Variants in CNTN5 observed in about 807,000 individuals in gnomAD.
CNTN5 encodes contactin 5.
Under a neutral mutation model 129.1 loss-of-function variants are expected in CNTN5, and 77 were observed. The ratio of observed to expected loss-of-function variants is 0.60; its 90% CI spans 0.50 to 0.72. The LOEUF (loss-of-function observed/expected upper bound fraction) is 0.72. Among genes scored for constraint, CNTN5 ranks in the 30% least tolerant of loss-of-function variants. The probability of loss-of-function intolerance (pLI) is 0.00; values close to 1 mark genes in which losing one functional copy is unlikely to be tolerated. For missense variants in CNTN5, 1,478 were observed against 1,328.8 expected (o/e 1.11, Z -1.75); for synonymous variants, 509 against 465.6 (o/e 1.09, Z -1.20).
chr11:99,293,328 T>C (rs1864249634), intron 1 of CNTN5, among the ~76,000 whole-genome samples: 1 of 152,142 alleles, frequency 6.6e-6, no homozygotes, highest in Admixed American at 6.5e-5. Flanking sequence ...GAATTCACTT[T>C]TATAGTATTT....
intron 3 of CNTN5, among the ~76,000 whole-genome samples, chr11:99,817,271 C>G (rs574924027): frequency 1.5e-4 from 23 of 152,138 alleles, no homozygotes; most frequent in African/African-American, 5.6e-4. Flanking sequence ...AACAGCTTTG[C>G]GTTCACATTA....
chr11:99,329,595 G>C (rs1402343197), intron 2 of CNTN5, among the ~76,000 whole-genome samples: 1 of 152,020 alleles, frequency 6.6e-6, no homozygotes, highest in African/African-American at 2.4e-5. Flanking sequence ...ATCTCTCTGC[G>C]CTAAGCTTAG....
At chr11:99,022,489 G>T (rs1027826612) in intron 1 of CNTN5, among the ~76,000 whole-genome samples, 14 of 152,096 alleles carry the variant, frequency 9.2e-5, no homozygotes, top group Admixed American at 5.9e-4. Context: ...ATGGTTGCTT[G>T]CATATTCTCC....
At chr11:99,690,682 G>A (rs148237485) in intron 3 of CNTN5, among the ~76,000 whole-genome samples, 157 of 152,176 alleles carry the variant, frequency 1.0e-3, no homozygotes, top group African/African-American at 3.6e-3. Flanking sequence ...CCTTGAAGAG[G>A]TCCTTCACAT....
intron 3 of CNTN5, among the ~76,000 whole-genome samples, chr11:99,774,838 A>ACC (rs1469472821): frequency 6.6e-6 from 1 of 152,072 alleles, no homozygotes; most frequent in Non-Finnish European, 1.5e-5. Context: ...CTTTTCTACT[A>ACC]CATTAAAGCC....
At position 99,929,065 on chromosome 11, in the gene CNTN5, G is replaced by T. The variant is rs534324706; in HGVS notation, c.673+12916G>T. On this transcript the variant is annotated intron_variant, in intron 7 of 24. Coordinates refer to ENST00000524871, the MANE Select transcript of CNTN5 (RefSeq NM_014361.4). The stretch of plus-strand genomic sequence containing the variant: ...CGTTTAAAGTTCCACAGATCCCCAG[G>T]GTGGGGGCAAAATGCTGCCAGTCTC... Among the ~76,000 whole-genome samples, 3 of 152,234 alleles carry T rather than the reference G, an allele frequency of 2.0e-5. No individual in the cohort carries two copies. The South Asian group carries it at 6.2e-4, about 32-fold the overall frequency.
At chr11:100,000,487 T>C (rs770561) in intron 8 of CNTN5, among the ~76,000 whole-genome samples, 151,176 of 152,346 alleles carry the variant, frequency 0.99, 75,018 homozygotes, top group Middle Eastern at 1. Flanking sequence ...GCCCCTGTGG[T>C]TCTGCAGGGC....
intron 3 of CNTN5, among the ~76,000 whole-genome samples, chr11:99,713,846 A>G (rs1208561542): frequency 6.6e-6 from 1 of 152,022 alleles, no homozygotes; most frequent in Non-Finnish European, 1.5e-5. Flanking sequence ...TGTGTATGTT[A>G]TAAAGGAACA....
chr11:100,337,629 G>A (rs1205826897), intron 21 of CNTN5: 2 of 694,250 alleles, frequency 2.9e-6, no homozygotes, highest in African/African-American at 1.8e-5. Flanking sequence ...AGAATAACGG[G>A]AACTAATTGG....
At chr11:99,663,754 C>G (rs1459926578) in intron 3 of CNTN5, among the ~76,000 whole-genome samples, 3 of 152,152 alleles carry the variant, frequency 2.0e-5, no homozygotes. Flanking sequence ...GCTTCCCCTT[C>G]TGCCATGATT....
chr11:100,337,655 TA>T (rs1207611186), intron 21 of CNTN5: 8 of 660,330 alleles, frequency 1.2e-5, no homozygotes, highest in Non-Finnish European at 2.3e-5. Context: ...TGAGATTTTT[TA>T]CAGCTGGACC....
intron 4 of CNTN5, among the ~76,000 whole-genome samples, chr11:99,825,751 T>C (rs7128908): frequency 0.014 from 2,178 of 152,244 alleles, 55 homozygotes; most frequent in African/African-American, 0.047. Context: ...TTTATCAATC[T>C]AGTTGTTATT....
At chr11:99,298,092 A>G (rs897970278) in intron 1 of CNTN5, among the ~76,000 whole-genome samples, 5 of 152,152 alleles carry the variant, frequency 3.3e-5, no homozygotes, top group Non-Finnish European at 5.9e-5. Flanking sequence ...AAAGGACCCA[A>G]GTGGGCCCTG....
intron 6 of CNTN5, among the ~76,000 whole-genome samples, chr11:99,846,677 T>C (rs973991332): frequency 1.4e-4 from 22 of 152,130 alleles, no homozygotes; most frequent in African/African-American, 4.8e-4. Context: ...ATAATTGATA[T>C]TTCTCTATGT....
At chr11:99,303,732 C>T (rs1864746815) in intron 1 of CNTN5, among the ~76,000 whole-genome samples, 1 of 151,936 alleles carries the variant, frequency 6.6e-6, no homozygotes, top group Non-Finnish European at 1.5e-5. Flanking sequence ...GGGTGAGCCA[C>T]ATTTTCACAT....
chr11:99,533,094 G>A (rs770848926), intron 2 of CNTN5, among the ~76,000 whole-genome samples: 1 of 152,170 alleles, frequency 6.6e-6, no homozygotes, highest in Non-Finnish European at 1.5e-5. Context: ...ATAGTGAAAT[G>A]TGCCTGTAAT....
chr11:99,518,650 T>G (rs1947151974), intron 2 of CNTN5, among the ~76,000 whole-genome samples: 2 of 152,134 alleles, frequency 1.3e-5, no homozygotes, highest in Admixed American at 6.6e-5. Context: ...TCAAATATAC[T>G]ATAAGCTTAT....
intron 1 of CNTN5, among the ~76,000 whole-genome samples, chr11:99,101,249 A>G (rs922784235): frequency 6.6e-6 from 1 of 152,014 alleles, no homozygotes; most frequent in African/African-American, 2.4e-5. Flanking sequence ...GCCACAACAC[A>G]TGGAAATTAT....
At chr11:99,388,414 C>CA (rs10652309) in intron 2 of CNTN5, among the ~76,000 whole-genome samples, 30,620 of 121,666 alleles carry the variant, frequency 0.25, 4,654 homozygotes, top group Middle Eastern at 0.36. Context: ...AACCCGGTCT[C>CA]AAAAAAAAAA....
Sources: allele counts gnomAD v4.1 joint callset (sites outside exome capture counted in the v4.1 genomes callset), GRCh38; gene constraint gnomAD v4.1.1; transcripts MANE v1.5; gene names NCBI Gene and HGNC (gene_info 2026-07-23, HGNC 2026-07-21).